Variants in KCNMA1 observed in about 807,000 individuals in gnomAD.
KCNMA1 encodes the protein Calcium-activated potassium channel subunit alpha-1.
KCNMA1 carries 29 observed loss-of-function variants against 140.0 expected under a neutral mutation model. The observed-to-expected ratio is 0.21, with a 90% CI of 0.15 to 0.28. The LOEUF (loss-of-function observed/expected upper bound fraction) is 0.28, where lower values mean the gene tolerates loss of function less well. Among genes scored for constraint, KCNMA1 ranks in the 10% least tolerant of loss-of-function variants. The pLI is 1.00. For synonymous variants in KCNMA1, 612 were observed against 611.9 expected (o/e 1.00, Z 0.00); for missense variants, 880 against 1,602.2 (o/e 0.55, Z 7.70).
chr10:77,438,424 G>A (rs143368117), intron 1 of KCNMA1, among the ~76,000 whole-genome samples: 2,114 of 152,044 alleles, frequency 0.014, 40 homozygotes, highest in African/African-American at 0.041. Context: ...TTAGCCGGGC[G>A]TGGTGGTGCA....
At chr10:76,892,977 C>T (rs1411782223) in intron 25 of KCNMA1, among the ~76,000 whole-genome samples, 1 of 152,146 alleles carries the variant, frequency 6.6e-6, no homozygotes, top group Non-Finnish European at 1.5e-5. Context: ...CTGCCAGACC[C>T]TAAAGGAAAT....
chr10:77,249,246 G>A (rs983118535), intron 3 of KCNMA1, among the ~76,000 whole-genome samples: 2 of 152,134 alleles, frequency 1.3e-5, no homozygotes, highest in South Asian at 2.1e-4. Flanking sequence ...TGCCATCTTC[G>A]CCAAGGCCTA....
intron 14 of KCNMA1, among the ~76,000 whole-genome samples, chr10:77,045,302 A>C (rs1382754883): frequency 6.6e-6 from 1 of 152,244 alleles, no homozygotes; most frequent in East Asian, 1.9e-4. Flanking sequence ...TCAAAGGCAG[A>C]GCATTTCCTG....
intron 1 of KCNMA1, among the ~76,000 whole-genome samples, chr10:77,480,461 C>T (rs2098369125): frequency 6.6e-6 from 1 of 152,220 alleles, no homozygotes; most frequent in South Asian, 2.1e-4. Flanking sequence ...TCCAGCTGAG[C>T]CAAGGGCCAT....
At chr10:77,079,406 G>A in intron 13 of KCNMA1, 75 bp downstream of exon 13, 1 of 810,832 alleles carries the variant, frequency 1.2e-6, no homozygotes, top group South Asian at 1.3e-5. Context: ...GTGTGTGTGA[G>A]CCTGTATAAT....
At position 77,550,423 on chromosome 10, in the gene KCNMA1, C is replaced by T. The variant is rs150297151; in HGVS notation, c.378+86842G>A. 3.4e-4 allele frequency among the ~76,000 whole-genome samples: 52 copies of T among 152,138 alleles called. No homozygotes were observed. In the East Asian group the frequency reaches 9.1e-3, roughly 27 times the overall value. ...CAACTGGAAGTCCCAGGGGCCCTGGCGCTCCCTCTGGGATTTCACCCTATT... is the reference window on the plus strand; with the variant it reads ...CAACTGGAAGTCCCAGGGGCCCTGGTGCTCCCTCTGGGATTTCACCCTATT... On this transcript the variant is annotated intron_variant, in intron 1 of 27. Transcript: ENST00000286628.
At chr10:76,915,824 T>C (rs1332652713) in intron 23 of KCNMA1, among the ~76,000 whole-genome samples, 1 of 152,054 alleles carries the variant, frequency 6.6e-6, no homozygotes, top group African/African-American at 2.4e-5. Flanking sequence ...AGGAAGAGAT[T>C]CTCTTTTAAT....
chr10:77,258,491 T>C (rs1256419900), intron 2 of KCNMA1, among the ~76,000 whole-genome samples: 1 of 152,172 alleles, frequency 6.6e-6, no homozygotes, highest in African/African-American at 2.4e-5. Flanking sequence ...CGCCTCCCTC[T>C]CCTTGCCTCT....
At chr10:77,189,757 G>T (rs1301385262) in intron 3 of KCNMA1, among the ~76,000 whole-genome samples, 1 of 152,066 alleles carries the variant, frequency 6.6e-6, no homozygotes, top group Non-Finnish European at 1.5e-5. Flanking sequence ...TTCCCACCAG[G>T]ATTATGGACA....
chr10:77,298,120 C>T (rs1429874931), intron 2 of KCNMA1, among the ~76,000 whole-genome samples: 4 of 152,184 alleles, frequency 2.6e-5, no homozygotes, highest in African/African-American at 9.6e-5. Context: ...AATAATTGAA[C>T]CTTGTGTCCC....
chr10:77,517,098 AG>A (rs2154549600), intron 1 of KCNMA1, among the ~76,000 whole-genome samples: 1 of 152,170 alleles, frequency 6.6e-6, no homozygotes, highest in East Asian at 1.9e-4. Context: ...TTGGTGAAAA[AG>A]GTGCTGGTGC....
At chr10:77,005,664 T>G (rs1459444933) in intron 18 of KCNMA1, among the ~76,000 whole-genome samples, 1 of 152,204 alleles carries the variant, frequency 6.6e-6, no homozygotes, top group Non-Finnish European at 1.5e-5. Flanking sequence ...AATTTGACCC[T>G]GAGTCTCACC....
chr10:76,925,973 G>A (rs910836016), intron 23 of KCNMA1, among the ~76,000 whole-genome samples: 2 of 152,228 alleles, frequency 1.3e-5, no homozygotes, highest in African/African-American at 4.8e-5. Flanking sequence ...CCTGGCCCAA[G>A]ATAGCACCAA....
chr10:77,345,177 C>A (rs1340605125), intron 2 of KCNMA1, among the ~76,000 whole-genome samples: 1 of 152,152 alleles, frequency 6.6e-6, no homozygotes, highest in African/African-American at 2.4e-5. Flanking sequence ...GAATGGCTTC[C>A]TTGTGTTTCC....
At chr10:77,155,378 C>T (rs977281845) in intron 5 of KCNMA1, among the ~76,000 whole-genome samples, 3 of 152,196 alleles carry the variant, frequency 2.0e-5, no homozygotes, top group Non-Finnish European at 2.9e-5. Context: ...TCCCACAACA[C>T]CTTACATGCG....
intron 2 of KCNMA1, among the ~76,000 whole-genome samples, chr10:77,383,538 C>T (rs1321653933): frequency 1.3e-5 from 2 of 151,756 alleles, no homozygotes; most frequent in Non-Finnish European, 2.9e-5. Context: ...GCTCAGCCAT[C>T]ACCATTATCC....
At chr10:77,239,471 T>C (rs2056643911) in intron 3 of KCNMA1, among the ~76,000 whole-genome samples, 2 of 152,208 alleles carry the variant, frequency 1.3e-5, no homozygotes, top group African/African-American at 2.4e-5. Flanking sequence ...ATGAGATAGG[T>C]ATCCTTGTTA....
chr10:76,885,118 T>G lies in KCNMA1; in HGVS notation c.*2148A>C. On this transcript the variant is annotated 3_prime_UTR_variant, in exon 28 of 28. Transcript: ENST00000286628. ...TGGCACATTCTTATAGTTATAAATG[T>G]TCTGAGGGCGTAACTTTATAACCTC... 2 of 1,490,410 alleles carry G rather than the reference T, an allele frequency of 1.3e-6. No individual in the cohort carries two copies. Among genetic ancestry groups the G allele is most frequent in the Non-Finnish European group, 1.8e-6 (2 of 1,118,866 alleles). The allele number at this position is 1,490,410 out of a possible 1,614,324, so 92.3% of individuals were successfully genotyped here.
intron 1 of KCNMA1, among the ~76,000 whole-genome samples, chr10:77,471,336 C>T (rs904847394): frequency 2.0e-5 from 3 of 151,016 alleles, no homozygotes; most frequent in African/African-American, 4.9e-5. Flanking sequence ...ACTCACACTA[C>T]ACACACAACA....
Sources: gnomAD v4.1 joint callset for allele counts (sites outside exome capture counted in the v4.1 genomes callset) on GRCh38, gnomAD v4.1.1 for gene constraint, MANE v1.5 for transcripts, NCBI Gene and HGNC (gene_info 2026-07-23, HGNC 2026-07-21) for gene names.